The following SDC2 variants were observed in gnomAD, a reference collection of about 807,000 sequenced individuals.
SDC2 encodes syndecan 2, also known as syndecan-2.
SDC2 carries 13 observed loss-of-function variants against 22.2 expected under a neutral mutation model. The ratio of observed to expected loss-of-function variants is 0.59; its 90% CI spans 0.38 to 0.93. SDC2 has a LOEUF of 0.93. Among genes scored for constraint, SDC2 ranks in the 40% least tolerant of loss-of-function variants. The probability of loss-of-function intolerance (pLI) is 0.00; values close to 1 mark genes in which losing one functional copy is unlikely to be tolerated. For synonymous variants in SDC2, 94 were observed against 92.8 expected (o/e 1.01, Z -0.07); for missense variants, 235 against 246.8 (o/e 0.95, Z 0.32).
At chr8:96,608,539 A>G in intron 4 of SDC2, 69 bp downstream of exon 4, 1 of 1,367,892 alleles carries the variant, frequency 7.3e-7, no homozygotes, top group Non-Finnish European at 9.9e-7. Flanking sequence ...AGTGATATTC[A>G]AAAGTGCAGC....
chr8:96,558,242 A>G (rs1023789684), intron 1 of SDC2, among the ~76,000 whole-genome samples: 2 of 152,004 alleles, frequency 1.3e-5, no homozygotes, highest in Non-Finnish European at 2.9e-5. Context: ...TTCTTGGGAA[A>G]GGAGAGGGGG....
intron 1 of SDC2, among the ~76,000 whole-genome samples, chr8:96,526,786 T>C (rs1168036088): frequency 1.3e-5 from 2 of 152,152 alleles, no homozygotes; most frequent in Non-Finnish European, 2.9e-5. Context: ...TGTGTAGCTG[T>C]GGCCAGGGCT....
At chr8:96,505,843 C>T (rs1395738916) in intron 1 of SDC2, among the ~76,000 whole-genome samples, 1 of 152,194 alleles carries the variant, frequency 6.6e-6, no homozygotes, top group Non-Finnish European at 1.5e-5. Flanking sequence ...CTATGTTGGT[C>T]CTGCAAGTTA....
intron 1 of SDC2, among the ~76,000 whole-genome samples, chr8:96,582,068 G>C (rs1023368482): frequency 6.6e-6 from 1 of 152,152 alleles, no homozygotes; most frequent in African/African-American, 2.4e-5. Context: ...CTCGGGGAAG[G>C]CTTCATTTCC....
chr8:96,508,362 G>A (rs59096415), intron 1 of SDC2, among the ~76,000 whole-genome samples: 12,199 of 148,992 alleles, frequency 0.082, 822 homozygotes, highest in African/African-American at 0.18. Flanking sequence ...GTGTGGTCGC[G>A]GGCACCTGTA....
chr8:96,514,130 A>C (rs779221256), intron 1 of SDC2, among the ~76,000 whole-genome samples: 1 of 152,158 alleles, frequency 6.6e-6, no homozygotes, highest in Non-Finnish European at 1.5e-5. Flanking sequence ...CAAGATCTCT[A>C]TTTGCCAAAG....
chr8:96,611,428 AT>A lies in SDC2; in HGVS notation c.*1887del, dbSNP rs906211812. 1 of 152,714 alleles carries A rather than the reference AT, an allele frequency of 6.5e-6. No individual in the cohort carries two copies. Among genetic ancestry groups the A allele is most frequent in the African/African-American group, 2.4e-5 (1 of 41,564 alleles). The allele number at this position is 152,714 out of a possible 1,614,324, so 9.5% of individuals were successfully genotyped here. A position where few individuals can be genotyped will look rare whatever the true frequency, so the allele number is the denominator to read the frequency against. ...AATTGCCACATAATTCATTAAAAAC[AT>A]TTTTTTAAGCAACACTTGGAACAGT... On this transcript the variant is annotated 3_prime_UTR_variant, in exon 5 of 5. Coordinates refer to ENST00000302190, the MANE Select transcript of SDC2 (RefSeq NM_002998.4).
chr8:96,494,305 T>A lies in SDC2; in HGVS notation c.34T>A (p.Leu12Met), dbSNP rs1402713975. The change falls in exon 1 of 5, where the codon TTG (leucine) becomes ATG (methionine). Residue 12 changes from leucine to methionine, a missense_variant. Transcript: ENST00000302190. ...CGCGTGGATCCTGCTCACCTTGGGC[T>A]TGGTGGCCTGCGTGTCGGCGGAGTC... ...RRAWILLTLG[L>M]VACVSAESRA... 6.5e-7 allele frequency: 1 copy of A among 1,546,696 alleles called. No individual in the cohort carries two copies. Among genetic ancestry groups the A allele is most frequent in the Admixed American group, 1.9e-5 (1 of 51,842 alleles).
At chr8:96,556,251 G>A (rs942159433) in intron 1 of SDC2, among the ~76,000 whole-genome samples, 1 of 152,056 alleles carries the variant, frequency 6.6e-6, no homozygotes, top group Non-Finnish European at 1.5e-5. Flanking sequence ...ACTGTATTAT[G>A]TTTATCAGAG....
At position 96,510,799 on chromosome 8, in the gene SDC2, G is replaced by T. The variant is rs1445764475; in HGVS notation, c.60+16468G>T. ...TCAGTTTATTATTTTGGTGATGATG[G>T]GGTTAAAGTGTCTTTACAAAGTATT... On this transcript the variant is annotated intron_variant, in intron 1 of 4. Transcript: ENST00000302190. 2.0e-5 allele frequency among the ~76,000 whole-genome samples: 3 copies of T among 152,114 alleles called. No homozygotes were observed. The East Asian group carries it at 5.8e-4, about 29-fold the overall frequency.
chr8:96,594,666 T>C (rs1814842296), intron 2 of SDC2, among the ~76,000 whole-genome samples: 1 of 152,220 alleles, frequency 6.6e-6, no homozygotes, highest in Admixed American at 6.5e-5. Context: ...GTTCTCAGAA[T>C]GGCCCCTGTA....
Position 96,609,720 on chromosome 8 carries a change from TA to T in SDC2, c.*176del. ...TTTCATGTATTTCTTTAGAACAACA[TA>T]AAATTAAAATTTAACATCTGCAGTG... On this transcript the variant is annotated 3_prime_UTR_variant, in exon 5 of 5. Coordinates refer to ENST00000302190, the MANE Select transcript of SDC2 (RefSeq NM_002998.4). 2.2e-6 allele frequency: 1 copy of T among 460,278 alleles called. No homozygotes were observed. Among genetic ancestry groups the T allele is most frequent in the Non-Finnish European group, 3.7e-6 (1 of 272,852 alleles). The allele number at this position is 460,278 out of a possible 1,614,324, so 28.5% of individuals were successfully genotyped here.
In SDC2 at chr8:96,501,295, C is replaced by CTTTTTTT. The variant is rs35998270; in HGVS notation, c.60+6987_60+6993dup. ...TAAGGGAAAAGTTAAATACGTATTTCTTTTTTTTTTTTTTTTTTTTTTTTT... is the reference window on the plus strand; with the variant it reads ...TAAGGGAAAAGTTAAATACGTATTTCTTTTTTTTTTTTTTTTTTTTTTTTTTTTTTTT... On this transcript the variant is annotated intron_variant, in intron 1 of 4. Coordinates refer to ENST00000302190, the MANE Select transcript of SDC2 (RefSeq NM_002998.4). Among the ~76,000 whole-genome samples the CTTTTTTT allele has an allele frequency of 1.7e-3, 96 of 55,166 alleles. 1 individual carries two copies. The highest frequency in any genetic ancestry group is 2.5e-3 in the Non-Finnish European group (73 of 28,916). 36.2% of individuals were successfully genotyped at this position (55,166 alleles called of 152,430 possible). A position where few individuals can be genotyped will look rare whatever the true frequency, so the allele number is the denominator to read the frequency against.
rs540584375 is a variant in SDC2 at position 96,506,749 on chromosome 8, C to T, written c.60+12418C>T. Among the ~76,000 whole-genome samples, 20 of 152,176 alleles carry T rather than the reference C, an allele frequency of 1.3e-4. No homozygotes were observed. In the East Asian group the frequency reaches 2.1e-3, roughly 16 times the overall value. On this transcript the variant is annotated intron_variant, in intron 1 of 4. Coordinates refer to ENST00000302190, the MANE Select transcript of SDC2 (RefSeq NM_002998.4). Reference sequence around the variant, plus strand: ...TTAGCTGGCCGGGCACGGTGGCTCACGCCTGTAATCCCAGCACTTTGGGAG... The same window carrying T: ...TTAGCTGGCCGGGCACGGTGGCTCATGCCTGTAATCCCAGCACTTTGGGAG...
chr8:96,593,711 G>C (rs1210318646), intron 2 of SDC2, 120 bp downstream of exon 2: 4 of 629,670 alleles, frequency 6.4e-6, no homozygotes, highest in African/African-American at 1.8e-5. Context: ...ACCGTCTTTG[G>C]AATCAAAGGG....
chr8:96,500,956 G>A (rs866505158), intron 1 of SDC2, among the ~76,000 whole-genome samples: 2 of 152,296 alleles, frequency 1.3e-5, no homozygotes, highest in Middle Eastern at 6.8e-3. Flanking sequence ...CATCAGCAGA[G>A]TGAAGCCAAT....
intron 1 of SDC2, among the ~76,000 whole-genome samples, chr8:96,585,466 G>A (rs1170372254): frequency 1.3e-5 from 2 of 152,166 alleles, no homozygotes; most frequent in South Asian, 4.1e-4. Flanking sequence ...GGTGAGCATA[G>A]ACTCAGTGAG....
At chr8:96,581,633 TAA>T (rs5893393) in intron 1 of SDC2, among the ~76,000 whole-genome samples, 2 of 145,726 alleles carry the variant, frequency 1.4e-5, no homozygotes. Context: ...CTCTGTCTCT[TAA>T]AAAAAAAAAA....
At chr8:96,543,752 C>A (rs957722251) in intron 1 of SDC2, among the ~76,000 whole-genome samples, 1 of 152,000 alleles carries the variant, frequency 6.6e-6, no homozygotes, top group Non-Finnish European at 1.5e-5. Flanking sequence ...CTGGGGAAGC[C>A]ATCATATTTG....
Sources: gnomAD v4.1 joint callset for allele counts (sites outside exome capture counted in the v4.1 genomes callset) on GRCh38, gnomAD v4.1.1 for gene constraint, MANE v1.5 for transcripts, NCBI Gene and HGNC (gene_info 2026-07-23, HGNC 2026-07-21) for gene names.